ZNF143: variants seen among roughly 807,000 people sequenced by gnomAD.
The protein encoded by ZNF143 is zinc finger protein 143, also known as SPH-binding factor.
ZNF143 carries 49 observed loss-of-function variants against 74.1 expected under a neutral mutation model. That is an observed-to-expected ratio of 0.66 (90% CI 0.53 to 0.84). The LOEUF is 0.84. Ranked by LOEUF, ZNF143 falls within the 40% of genes least tolerant of loss-of-function variation. ZNF143 has a pLI of 0.00. For missense variants in ZNF143, 637 were observed against 793.4 expected (o/e 0.80, Z 2.37); for synonymous variants, 304 against 282.8 (o/e 1.07, Z -0.75).
At chr11:9,462,551 C>A in intron 1 of ZNF143, among the ~76,000 whole-genome samples, 1 of 134,814 alleles carries the variant, frequency 7.4e-6, no homozygotes. Flanking sequence ...TGACAGAGAC[C>A]GGTCTCGAAA....
chr11:9,500,476 G>A (rs1400366794), intron 10 of ZNF143, among the ~76,000 whole-genome samples: 2 of 151,566 alleles, frequency 1.3e-5, no homozygotes, highest in South Asian at 2.1e-4. Flanking sequence ...CTCTGTCGCC[G>A]AGGCTGGAGT....
chr11:9,461,340 T>C lies in ZNF143; in HGVS notation c.-8+264T>C, dbSNP rs184681323. On this transcript the variant is annotated intron_variant, in intron 1 of 15. Coordinates refer to ENST00000396602, the MANE Select transcript of ZNF143 (RefSeq NM_003442.6). ...CTCCCCCCAGCTTGTCTCTGAGCGATGCGCCCCGCCTGTTTCCCTCAGGGG... is the reference window on the plus strand; with the variant it reads ...CTCCCCCCAGCTTGTCTCTGAGCGACGCGCCCCGCCTGTTTCCCTCAGGGG... Among the ~76,000 whole-genome samples, 40 of 152,304 alleles carry C rather than the reference T, an allele frequency of 2.6e-4. No individual in the cohort carries two copies. The East Asian group carries it at 7.3e-3, about 28-fold the overall frequency.
chr11:9,506,865 A>T (rs1000245420), intron 11 of ZNF143, among the ~76,000 whole-genome samples: 1 of 151,854 alleles, frequency 6.6e-6, no homozygotes, highest in Admixed American at 6.6e-5. Flanking sequence ...GAAGCTATGT[A>T]ACTAGCCAGT....
intron 6 of ZNF143, among the ~76,000 whole-genome samples, chr11:9,479,168 T>C (rs1052743393): frequency 7.2e-5 from 11 of 151,982 alleles, no homozygotes; most frequent in African/African-American, 2.7e-4. Flanking sequence ...TTTTTTTTTT[T>C]CTTTACAAAC....
At chr11:9,519,804 T>C (rs1052893053) in intron 14 of ZNF143, among the ~76,000 whole-genome samples, 1 of 152,090 alleles carries the variant, frequency 6.6e-6, no homozygotes, top group Admixed American at 6.6e-5. Flanking sequence ...ACCAAACAAT[T>C]CTCCAAAGTG....
chr11:9,509,898 C>A (rs1346298345), intron 12 of ZNF143, among the ~76,000 whole-genome samples: 7 of 152,170 alleles, frequency 4.6e-5, no homozygotes, highest in Non-Finnish European at 2.9e-5. Context: ...TTCTGGAGAT[C>A]TGCACAGCAT....
rs867817575 is a variant in ZNF143 at position 9,487,159 on chromosome 11, G to C, written c.646-7487G>C. On this transcript the variant is annotated intron_variant, in intron 7 of 15. Transcript: ENST00000396602. ...TTTTTGTATTTTTAATAGAGATGGG[G>C]TGTCACCATGTTGGCCAGGCTGGTC... Among the ~76,000 whole-genome samples, 78 of 150,484 alleles carry C rather than the reference G, an allele frequency of 5.2e-4. 4 individuals are homozygous for C. The highest frequency in any genetic ancestry group is 1.9e-3 in the African/African-American group (76 of 40,242).
chr11:9,517,724 TGAAAAAA>T (rs1265797216), intron 14 of ZNF143, among the ~76,000 whole-genome samples: 3 of 152,192 alleles, frequency 2.0e-5, no homozygotes, highest in Admixed American at 6.5e-5. Context: ...GTCTCACTCT[TGAAAAAA>T]GAATGAAGTT....
chr11:9,491,970 G>A (rs1211658290), intron 7 of ZNF143, among the ~76,000 whole-genome samples: 1 of 152,102 alleles, frequency 6.6e-6, no homozygotes, highest in African/African-American at 2.4e-5. Context: ...TTAAAATGGA[G>A]TTTTGCTCTT....
chr11:9,461,412 A>G (rs892968938), intron 1 of ZNF143, among the ~76,000 whole-genome samples: 29 of 152,038 alleles, frequency 1.9e-4, no homozygotes, highest in African/African-American at 6.0e-4. Context: ...AGCCCTCGGG[A>G]GCCTTGGCCG....
chr11:9,497,927 T>C (rs1057342033), intron 10 of ZNF143, 127 bp downstream of exon 10: 24 of 523,120 alleles, frequency 4.6e-5, no homozygotes, highest in Non-Finnish European at 6.5e-5. Context: ...GCCTCCCGGG[T>C]TCACGCCATT....
At position 9,486,442 on chromosome 11, in the gene ZNF143, ATATTATATAT is replaced by A. The variant is rs1565039500; in HGVS notation, c.645+6897_645+6906del. Among the ~76,000 whole-genome samples, 32 of 43,848 alleles carry A rather than the reference ATATTATATAT, an allele frequency of 7.3e-4. 1 individual carries two copies. The highest frequency in any genetic ancestry group is 1.7e-3 in the South Asian group (3 of 1,808). 28.8% of individuals were successfully genotyped at this position (43,848 alleles called of 152,430 possible). Reference sequence around the variant, plus strand: ...ATATTATATATATTATATATATAATATATTATATATATTATATATATATAAAAGCCCTGTT... The same window carrying A: ...ATATTATATATATTATATATATAATAATTATATATATATAAAAGCCCTGTT... On this transcript the variant is annotated intron_variant, in intron 7 of 15. Coordinates refer to ENST00000396602, the MANE Select transcript of ZNF143 (RefSeq NM_003442.6).
At chr11:9,466,957 G>A (rs1399859620) in intron 1 of ZNF143, among the ~76,000 whole-genome samples, 1 of 147,938 alleles carries the variant, frequency 6.8e-6, no homozygotes, top group African/African-American at 2.5e-5. Flanking sequence ...GCAGTGGCGC[G>A]ATCTCGGCTC....
chr11:9,493,267 T>C (rs1388915770), intron 7 of ZNF143, among the ~76,000 whole-genome samples: 13 of 152,186 alleles, frequency 8.5e-5, no homozygotes, highest in Admixed American at 7.9e-4. Flanking sequence ...AGATGAGGTT[T>C]CACCATGTTA....
At chr11:9,514,644 T>C (rs1202914415) in intron 13 of ZNF143, among the ~76,000 whole-genome samples, 1 of 152,224 alleles carries the variant, frequency 6.6e-6, no homozygotes, top group African/African-American at 2.4e-5. Context: ...AGTTGGGTCT[T>C]GAAGGATTTT....
chr11:9,468,805 C>T (rs931848273), intron 1 of ZNF143, among the ~76,000 whole-genome samples: 1 of 151,984 alleles, frequency 6.6e-6, no homozygotes, highest in Non-Finnish European at 1.5e-5. Context: ...CCACTGCAGT[C>T]CAGCCTGGGT....
intron 13 of ZNF143, among the ~76,000 whole-genome samples, chr11:9,515,606 A>G (rs1014816430): frequency 3.4e-4 from 51 of 150,184 alleles, no homozygotes; most frequent in African/African-American, 1.1e-3. Context: ...GTAAGCAGAG[A>G]TTGCGCCACT....
intron 14 of ZNF143, among the ~76,000 whole-genome samples, chr11:9,523,898 A>C (rs996547997): frequency 6.6e-6 from 1 of 150,614 alleles, no homozygotes; most frequent in Non-Finnish European, 1.5e-5. Flanking sequence ...AAATACAAAA[A>C]TTAGCCGAGT....
At chr11:9,481,188 G>A (rs1461316420) in intron 7 of ZNF143, among the ~76,000 whole-genome samples, 1 of 152,036 alleles carries the variant, frequency 6.6e-6, no homozygotes, top group Non-Finnish European at 1.5e-5. Context: ...AGAAGTTTGA[G>A]ACCAGCCCGG....
Sources: allele counts gnomAD v4.1 joint callset (sites outside exome capture counted in the v4.1 genomes callset), GRCh38; gene constraint gnomAD v4.1.1; transcripts MANE v1.5; gene names NCBI Gene and HGNC (gene_info 2026-07-23, HGNC 2026-07-21).